The following LCMT1 variants were observed in gnomAD, a reference collection of about 807,000 sequenced individuals.
The protein encoded by LCMT1 is leucine carboxyl methyltransferase 1.
In LCMT1, 32 loss-of-function variants were observed where a neutral mutation model predicts 47.7. The observed-to-expected ratio is 0.67, with a 90% confidence interval of 0.51 to 0.90. LCMT1 has a LOEUF of 0.90. Among genes scored for constraint, LCMT1 ranks in the 40% least tolerant of loss-of-function variants. The pLI is 0.00. For missense variants in LCMT1, 375 were observed against 415.2 expected (o/e 0.90, Z 0.84); for synonymous variants, 152 against 149.7 (o/e 1.02, Z -0.11).
intron 10 of LCMT1, among the ~76,000 whole-genome samples, chr16:25,176,289 G>C (rs17774085): frequency 6.6e-6 from 1 of 151,962 alleles, no homozygotes; most frequent in African/African-American, 2.4e-5. Flanking sequence ...TCCCAGTTCC[G>C]GCCTTCAGTG....
At chr16:25,169,951 G>A (rs1423688857) in intron 8 of LCMT1, among the ~76,000 whole-genome samples, 1 of 152,060 alleles carries the variant, frequency 6.6e-6, no homozygotes, top group Non-Finnish European at 1.5e-5. Flanking sequence ...CGGGCGCGGT[G>A]GCTCACACCT....
intron 7 of LCMT1, among the ~76,000 whole-genome samples, chr16:25,167,833 T>C (rs989288319): frequency 6.6e-6 from 1 of 152,156 alleles, no homozygotes; most frequent in Non-Finnish European, 1.5e-5. Flanking sequence ...CGATCTTGGC[T>C]CATTGCAACC....
intron 10 of LCMT1, among the ~76,000 whole-genome samples, chr16:25,177,716 C>T (rs1258488948): frequency 6.6e-6 from 1 of 152,186 alleles, no homozygotes; most frequent in Non-Finnish European, 1.5e-5. Context: ...TCCGTATCTG[C>T]CTTTGCTCAA....
intron 2 of LCMT1, among the ~76,000 whole-genome samples, chr16:25,131,347 A>G (rs1278534580): frequency 6.6e-6 from 1 of 152,248 alleles, no homozygotes; most frequent in East Asian, 1.9e-4. Context: ...TCTACCCTGT[A>G]TTTGAACCTT....
At chr16:25,132,238 AAT>A in intron 2 of LCMT1, 162 bp from the exon 3 acceptor site, 2 of 808,196 alleles carry the variant, frequency 2.5e-6, no homozygotes, top group African/African-American at 1.7e-5. Flanking sequence ...AAAAAAAAAA[AAT>A]TTGAAAGTTG....
chr16:25,115,557 C>G (rs928148312), intron 1 of LCMT1, among the ~76,000 whole-genome samples: 6 of 152,160 alleles, frequency 3.9e-5, no homozygotes, highest in Non-Finnish European at 8.8e-5. Context: ...AGACATTTTC[C>G]CCTTTCTTCA....
At chr16:25,126,184 T>G in intron 1 of LCMT1, 1 of 1,329,622 alleles carries the variant, frequency 7.5e-7, no homozygotes, top group East Asian at 4.7e-5. Context: ...CTGGGTGTGT[T>G]TGCATTATGG....
chr16:25,159,571 C>A (rs1961359532), intron 5 of LCMT1, among the ~76,000 whole-genome samples: 1 of 151,980 alleles, frequency 6.6e-6, no homozygotes, highest in Non-Finnish European at 1.5e-5. Flanking sequence ...CAGATACATG[C>A]CATATTCTTT....
chr16:25,164,358 T>G (rs1193153785), intron 6 of LCMT1, among the ~76,000 whole-genome samples: 1 of 152,178 alleles, frequency 6.6e-6, no homozygotes, highest in Non-Finnish European at 1.5e-5. Flanking sequence ...CCACCACACA[T>G]GCTCAACATG....
At chr16:25,154,789 A>T (rs1441549517) in intron 5 of LCMT1, among the ~76,000 whole-genome samples, 2 of 152,004 alleles carry the variant, frequency 1.3e-5, no homozygotes, top group African/African-American at 2.4e-5. Context: ...ACCCGGCCAG[A>T]TGTGTTCTTT....
intron 3 of LCMT1, among the ~76,000 whole-genome samples, chr16:25,135,659 C>T (rs1357711980): frequency 6.6e-6 from 1 of 152,106 alleles, no homozygotes; most frequent in Non-Finnish European, 1.5e-5. Flanking sequence ...TAGGTTGCAC[C>T]AGCAGAGGTT....
In LCMT1 at chr16:25,164,671, T is replaced by C; in HGVS notation, c.643T>C (p.Trp215Arg). 1 of 1,613,998 alleles carries C rather than the reference T, an allele frequency of 6.2e-7. No individual in the cohort carries two copies. Among genetic ancestry groups the C allele is most frequent in the South Asian group, 1.1e-5 (1 of 91,078 alleles). ...TPEQSANLLK[W>R]AANSFERAMF... ...AGAGCAGTCCGCAAACCTCCTGAAG[T>C]GGGCAGCCAACAGTTTTGAGAGAGC... is the stretch of plus-strand genomic sequence containing the variant. The change falls in exon 7 of 11, where the codon TGG (tryptophan) becomes CGG (arginine). Residue 215 changes from tryptophan (W) to arginine (R), a missense_variant. Trp to Arg is a moderately radical substitution (Grantham distance 101, BLOSUM62 -3). Transcript: ENST00000399069.
intron 9 of LCMT1, among the ~76,000 whole-genome samples, chr16:25,172,397 CTG>C (rs929316390): frequency 5.9e-5 from 9 of 151,776 alleles, no homozygotes; most frequent in Non-Finnish European, 4.4e-5. Context: ...TTAAAAATGT[CTG>C]TAGCTGGGCA....
At chr16:25,127,285 T>C (rs1201972634) in intron 1 of LCMT1, among the ~76,000 whole-genome samples, 2 of 152,260 alleles carry the variant, frequency 1.3e-5, no homozygotes, top group Non-Finnish European at 2.9e-5. Context: ...TAATGGGTCA[T>C]GACTAACTGA....
intron 5 of LCMT1, among the ~76,000 whole-genome samples, chr16:25,156,717 T>C (rs1246829530): frequency 6.6e-6 from 1 of 152,212 alleles, no homozygotes; most frequent in East Asian, 1.9e-4. Context: ...CTGTTTCACA[T>C]GCCCCACAAT....
intron 1 of LCMT1, among the ~76,000 whole-genome samples, chr16:25,114,863 A>G (rs191250152): frequency 1.8e-4 from 28 of 152,042 alleles, no homozygotes; most frequent in Admixed American, 5.2e-4. Context: ...TTCCTGCCCA[A>G]CTGGAGCCCT....
chr16:25,112,958 T>A (rs1287029207), intron 1 of LCMT1, among the ~76,000 whole-genome samples: 1 of 151,822 alleles, frequency 6.6e-6, no homozygotes, highest in Non-Finnish European at 1.5e-5. Context: ...CTGGCCAACA[T>A]GGTGAAACCC....
intron 9 of LCMT1, 128 bp downstream of exon 9, chr16:25,170,933 A>C: frequency 1.5e-6 from 1 of 653,812 alleles, no homozygotes; most frequent in Non-Finnish European, 2.6e-6. Context: ...AAAACAAACA[A>C]ACAAATAAAA....
At chr16:25,157,377 C>T (rs1490889635) in intron 5 of LCMT1, among the ~76,000 whole-genome samples, 1 of 151,688 alleles carries the variant, frequency 6.6e-6, no homozygotes, top group East Asian at 1.9e-4. Context: ...GACCCGCCCA[C>T]CCCCCATCTA....
Sources: allele counts gnomAD v4.1 joint callset (sites outside exome capture counted in the v4.1 genomes callset), GRCh38; gene constraint gnomAD v4.1.1; transcripts MANE v1.5; gene names NCBI Gene and HGNC (gene_info 2026-07-23, HGNC 2026-07-21).